The following RBFOX1 variants were observed in gnomAD, a reference collection of about 807,000 sequenced individuals.
RBFOX1 encodes RNA binding fox-1 homolog 1.
A neutral mutation model predicts 57.7 loss-of-function variants in RBFOX1; 8 were observed. The observed-to-expected ratio is 0.14, with a 90% CI of 0.08 to 0.25. The LOEUF is 0.25. Among genes scored for constraint, RBFOX1 ranks in the 10% least tolerant of loss-of-function variants. The pLI is 1.00. For synonymous variants in RBFOX1, 326 were observed against 222.4 expected, an observed-to-expected ratio of 1.47 and a Z score of -4.15; for missense variants, 611 against 548.5, an observed-to-expected ratio of 1.11 and a Z score of -1.14.
At chr16:5,522,172 T>C (rs1344059653) in intron 2 of RBFOX1, among the ~76,000 whole-genome samples, 3 of 152,232 alleles carry the variant, frequency 2.0e-5, no homozygotes, top group Non-Finnish European at 2.9e-5. Context: ...TTTGAAGGGT[T>C]AAACCCATGG....
intron 3 of RBFOX1, among the ~76,000 whole-genome samples, chr16:5,804,025 A>G (rs1258107408): frequency 6.6e-6 from 1 of 152,004 alleles, no homozygotes; most frequent in East Asian, 1.9e-4. Context: ...GTCTTGCCAC[A>G]GTATTAAAGA....
intron 4 of RBFOX1, among the ~76,000 whole-genome samples, chr16:7,477,874 G>A (rs922903524): frequency 6.6e-6 from 1 of 152,112 alleles, no homozygotes; most frequent in African/African-American, 2.4e-5. Context: ...GCTTTGCTAG[G>A]GCTGGCAGCA....
chr16:6,582,182 A>G (rs931735508), intron 2 of RBFOX1, among the ~76,000 whole-genome samples: 1 of 152,222 alleles, frequency 6.6e-6, no homozygotes, highest in African/African-American at 2.4e-5. Context: ...CAATTTTGTG[A>G]TAGTAAAAAT....
chr16:5,707,987 A>C (rs2051315297), intron 3 of RBFOX1, among the ~76,000 whole-genome samples: 2 of 152,118 alleles, frequency 1.3e-5, no homozygotes, highest in Non-Finnish European at 2.9e-5. Context: ...CTCAGGTGAA[A>C]TTTGGCAGTG....
At position 6,836,477 on chromosome 16, in the gene RBFOX1, T is replaced by G. The variant is rs374677145; in HGVS notation, c.-16+181827T>G. Among the ~76,000 whole-genome samples, 7 of 152,332 alleles carry G rather than the reference T, an allele frequency of 4.6e-5. No homozygotes were observed. The East Asian group carries it at 1.4e-3, about 29-fold the overall frequency. On this transcript the variant is annotated intron_variant, in intron 3 of 15. Coordinates refer to ENST00000550418, the MANE Select transcript of RBFOX1 (RefSeq NM_018723.4). ...TGCTTAGCTCTGTGCAGAGGTATCT[T>G]GCTTTCTGTATCACTTCAAACCTTC...
intron 3 of RBFOX1, among the ~76,000 whole-genome samples, chr16:5,619,662 C>G (rs1042646898): frequency 5.9e-5 from 9 of 152,166 alleles, no homozygotes; most frequent in African/African-American, 2.2e-4. Context: ...AGAGGGGGGC[C>G]TGCATCTCTG....
At chr16:6,333,346 G>A (rs868279282) in intron 2 of RBFOX1, among the ~76,000 whole-genome samples, 1 of 152,068 alleles carries the variant, frequency 6.6e-6, no homozygotes, top group Non-Finnish European at 1.5e-5. Context: ...CGCCCAGCCA[G>A]ACATTCTTTC....
At chr16:7,561,522 G>T (rs968450460) in intron 5 of RBFOX1, among the ~76,000 whole-genome samples, 1 of 152,212 alleles carries the variant, frequency 6.6e-6, no homozygotes, top group African/African-American at 2.4e-5. Flanking sequence ...TCAATTTGCA[G>T]AAATTGTGCA....
intron 3 of RBFOX1, among the ~76,000 whole-genome samples, chr16:5,643,298 T>G (rs2109000): frequency 2.6e-5 from 4 of 152,178 alleles, no homozygotes; most frequent in African/African-American, 4.8e-5. Context: ...TGTCCTTGAT[T>G]ATCGTTTTTT....
intron 3 of RBFOX1, among the ~76,000 whole-genome samples, chr16:6,859,165 G>GTATATA (rs749806270): frequency 7.4e-5 from 4 of 54,030 alleles, no homozygotes; most frequent in African/African-American, 4.7e-4. Context: ...ATATATATAC[G>GTATATA]TATATATATG....
At chr16:7,188,760 C>G (rs1051239487) in intron 4 of RBFOX1, among the ~76,000 whole-genome samples, 9 of 152,090 alleles carry the variant, frequency 5.9e-5, no homozygotes, top group African/African-American at 2.2e-4. Context: ...TTGTAATTGT[C>G]AAAAGTAAGA....
chr16:5,342,150 C>G (rs2065046460), intron 1 of RBFOX1, among the ~76,000 whole-genome samples: 1 of 152,178 alleles, frequency 6.6e-6, no homozygotes, highest in Non-Finnish European at 1.5e-5. Flanking sequence ...CTTCTAATTG[C>G]TTTGCATATA....
chr16:6,939,550 A>G (rs867866414), intron 3 of RBFOX1, among the ~76,000 whole-genome samples: 1 of 145,298 alleles, frequency 6.9e-6, no homozygotes, highest in African/African-American at 2.6e-5. Flanking sequence ...TTGTTCTGTC[A>G]TGCAGGCTGG....
chr16:7,658,888 G>A (rs1458703297), intron 12 of RBFOX1, among the ~76,000 whole-genome samples: 1 of 152,136 alleles, frequency 6.6e-6, no homozygotes, highest in Non-Finnish European at 1.5e-5. Context: ...ACCACACCCA[G>A]CTAATTTTGT....
intron 3 of RBFOX1, among the ~76,000 whole-genome samples, chr16:5,635,128 C>G (rs2048640991): frequency 6.6e-6 from 1 of 152,250 alleles, no homozygotes; most frequent in South Asian, 2.1e-4. Context: ...ACTGCTCCTC[C>G]TCATCTTTCT....
intron 4 of RBFOX1, among the ~76,000 whole-genome samples, chr16:7,434,924 G>A (rs1247117415): frequency 6.6e-6 from 1 of 152,058 alleles, no homozygotes; most frequent in African/African-American, 2.4e-5. Context: ...ATTTTTAGTA[G>A]AGATGGGGTT....
chr16:7,297,922 G>T (rs2095934189), intron 4 of RBFOX1, among the ~76,000 whole-genome samples: 1 of 151,796 alleles, frequency 6.6e-6, no homozygotes, highest in Non-Finnish European at 1.5e-5. Flanking sequence ...ATGACTGCAT[G>T]TATGCCTATT....
chr16:5,932,728 G>T (rs1045106747), intron 4 of RBFOX1, among the ~76,000 whole-genome samples: 4 of 152,166 alleles, frequency 2.6e-5, no homozygotes, highest in African/African-American at 9.7e-5. Flanking sequence ...TTGTTTACGT[G>T]CATTTCCCAT....
chr16:6,962,966 T>C (rs1350193602), intron 3 of RBFOX1, among the ~76,000 whole-genome samples: 2 of 152,074 alleles, frequency 1.3e-5, no homozygotes, highest in Admixed American at 6.5e-5. Context: ...GCTCAGCAGT[T>C]TGCATGGCAA....
Sources: gnomAD v4.1 joint callset for allele counts (sites outside exome capture counted in the v4.1 genomes callset) on GRCh38, gnomAD v4.1.1 for gene constraint, MANE v1.5 for transcripts, NCBI Gene and HGNC (gene_info 2026-07-23, HGNC 2026-07-21) for gene names.